The following SLC10A7 variants were observed in gnomAD, a reference collection of about 807,000 sequenced individuals.
SLC10A7 encodes solute carrier family 10 member 7, also known as sodium/bile acid cotransporter 7.
Under a neutral mutation model 43.2 loss-of-function variants are expected in SLC10A7, and 29 were observed. The observed-to-expected ratio is 0.67, with a 90% CI of 0.50 to 0.92. The LOEUF (loss-of-function observed/expected upper bound fraction) is 0.92, where lower values mean the gene tolerates loss of function less well. SLC10A7 is among the 40% of genes least tolerant of loss of function. The pLI, the probability that SLC10A7 is intolerant of heterozygous loss-of-function variation, is 0.00. For synonymous variants in SLC10A7, 152 were observed against 144.8 expected, an observed-to-expected ratio of 1.05 and a Z score of -0.35; for missense variants, 295 against 403.2, an observed-to-expected ratio of 0.73 and a Z score of 2.30.
intron 5 of SLC10A7, among the ~76,000 whole-genome samples, chr4:146,360,660 T>C (rs1404491209): frequency 6.6e-6 from 1 of 152,114 alleles, no homozygotes; most frequent in Non-Finnish European, 1.5e-5. Flanking sequence ...TCTTGCTACA[T>C]TACCCAGGTT....
intron 9 of SLC10A7, among the ~76,000 whole-genome samples, chr4:146,287,156 C>A (rs1275195738): frequency 7.7e-6 from 1 of 129,676 alleles, no homozygotes; most frequent in African/African-American, 2.9e-5. Flanking sequence ...AGGACCGTGT[C>A]TGGAGTGGTG....
chr4:146,258,253 T>C (rs1728000394), intron 11 of SLC10A7, among the ~76,000 whole-genome samples: 1 of 151,704 alleles, frequency 6.6e-6, no homozygotes, highest in South Asian at 2.1e-4. Flanking sequence ...TTATTATATA[T>C]CTGGAAAATT....
At chr4:146,472,602 G>C (rs1170843977) in intron 4 of SLC10A7, among the ~76,000 whole-genome samples, 4 of 152,034 alleles carry the variant, frequency 2.6e-5, no homozygotes, top group Admixed American at 2.0e-4. Flanking sequence ...TGTTCCCATA[G>C]GCCCTTAGGG....
intron 5 of SLC10A7, among the ~76,000 whole-genome samples, chr4:146,428,693 C>T (rs1344770437): frequency 6.6e-6 from 1 of 151,892 alleles, no homozygotes; most frequent in Non-Finnish European, 1.5e-5. Context: ...TTTTTATGCA[C>T]TGTCTAGAAA....
chr4:146,362,441 G>T (rs1333910030), intron 5 of SLC10A7, among the ~76,000 whole-genome samples: 1 of 152,088 alleles, frequency 6.6e-6, no homozygotes, highest in Non-Finnish European at 1.5e-5. Flanking sequence ...GAGGGAGTGG[G>T]ATGACATATT....
chr4:146,476,788 C>T (rs911959600), intron 4 of SLC10A7, among the ~76,000 whole-genome samples: 3 of 152,108 alleles, frequency 2.0e-5, no homozygotes, highest in Non-Finnish European at 4.4e-5. Context: ...CCATCACTGA[C>T]TCAACTTACA....
intron 5 of SLC10A7, chr4:146,442,393 T>C (rs1315830192): frequency 2.0e-6 from 2 of 1,004,806 alleles, no homozygotes; most frequent in East Asian, 2.2e-4. Flanking sequence ...TGTCAACAAG[T>C]AAATTAGCAT....
chr4:146,472,893 C>T (rs921634310), intron 4 of SLC10A7, among the ~76,000 whole-genome samples: 1 of 152,238 alleles, frequency 6.6e-6, no homozygotes, highest in South Asian at 2.1e-4. Flanking sequence ...TGTCTAAAGG[C>T]CATTCTGCAG....
chr4:146,358,786 A>ATT (rs142392265), intron 5 of SLC10A7, among the ~76,000 whole-genome samples: 1 of 151,396 alleles, frequency 6.6e-6, no homozygotes, highest in East Asian at 1.9e-4. Flanking sequence ...GGACATTTGA[A>ATT]TTTTTTTTTC....
At chr4:146,476,701 G>A (rs532631449) in intron 4 of SLC10A7, among the ~76,000 whole-genome samples, 1 of 152,248 alleles carries the variant, frequency 6.6e-6, no homozygotes, top group African/African-American at 2.4e-5. Context: ...GGAATTGATG[G>A]AATTATGGTT....
At chr4:146,350,954 A>G (rs1250344184) in intron 5 of SLC10A7, among the ~76,000 whole-genome samples, 7 of 148,678 alleles carry the variant, frequency 4.7e-5, no homozygotes, top group Non-Finnish European at 1.0e-4. Flanking sequence ...GAAAAACTGG[A>G]AACTCTAAAA....
chr4:146,516,458 GTATGTGTATATGTA>G (rs988966164), intron 2 of SLC10A7, among the ~76,000 whole-genome samples: 118 of 145,576 alleles, frequency 8.1e-4, no homozygotes, highest in African/African-American at 2.9e-3. Flanking sequence ...ACACATATAT[GTATGTGTATATGTA>G]TATGTGTATA....
At chr4:146,440,261 T>C (rs1176122901) in intron 5 of SLC10A7, among the ~76,000 whole-genome samples, 1 of 145,700 alleles carries the variant, frequency 6.9e-6, no homozygotes, top group Admixed American at 7.1e-5. Context: ...AAGACTCAGG[T>C]TTTAGGGAGG....
intron 5 of SLC10A7, among the ~76,000 whole-genome samples, chr4:146,423,146 A>G (rs1316553863): frequency 6.6e-6 from 1 of 152,178 alleles, no homozygotes; most frequent in Non-Finnish European, 1.5e-5. Flanking sequence ...AATTATATAC[A>G]TATTTCTAAA....
chr4:146,517,514 A>T (rs888876963), intron 1 of SLC10A7, among the ~76,000 whole-genome samples: 2 of 152,136 alleles, frequency 1.3e-5, no homozygotes, highest in Non-Finnish European at 2.9e-5. Flanking sequence ...CTGCAGGACA[A>T]CAAATGGTAC....
intron 5 of SLC10A7, among the ~76,000 whole-genome samples, chr4:146,417,252 C>T (rs1032244360): frequency 6.6e-6 from 1 of 152,138 alleles, no homozygotes; most frequent in Admixed American, 6.6e-5. Flanking sequence ...AAGAAGATGG[C>T]ACAGGATGAA....
chr4:146,376,099 G>A (rs1029255507), intron 5 of SLC10A7, among the ~76,000 whole-genome samples: 1 of 152,112 alleles, frequency 6.6e-6, no homozygotes, highest in Admixed American at 6.5e-5. Context: ...TGCATAGAGT[G>A]GTGTGGTAGA....
At chr4:146,310,292 A>C (rs957916277) in intron 6 of SLC10A7, among the ~76,000 whole-genome samples, 1 of 152,138 alleles carries the variant, frequency 6.6e-6, no homozygotes, top group Non-Finnish European at 1.5e-5. Flanking sequence ...ATGTGAGTGT[A>C]TGTATCTTTT....
chr4:146,396,430 G>A (rs1738830068), intron 5 of SLC10A7, among the ~76,000 whole-genome samples: 1 of 151,966 alleles, frequency 6.6e-6, no homozygotes, highest in Non-Finnish European at 1.5e-5. Flanking sequence ...AAAGTCAAAA[G>A]CTCATGAAAG....
Sources: gnomAD v4.1 joint callset for allele counts (sites outside exome capture counted in the v4.1 genomes callset) on GRCh38, gnomAD v4.1.1 for gene constraint, MANE v1.5 for transcripts, NCBI Gene and HGNC (gene_info 2026-07-23, HGNC 2026-07-21) for gene names.